Variants in KNDC1 observed in about 807,000 individuals in gnomAD.
KNDC1 encodes the protein kinase non-catalytic C-lobe domain containing 1, also known as kinase non-catalytic C-lobe domain-containing protein 1.
Under a neutral mutation model 172.8 loss-of-function variants are expected in KNDC1, and 106 were observed. The ratio of observed to expected loss-of-function variants is 0.61; its 90% CI spans 0.52 to 0.72. The LOEUF (loss-of-function observed/expected upper bound fraction) is 0.72. Ranked by LOEUF, KNDC1 falls within the 30% of genes least tolerant of loss-of-function variation. The pLI is 0.00. For missense variants in KNDC1, 2,325 were observed against 2,394.5 expected (o/e 0.97, Z 0.61); for synonymous variants, 1,083 against 1,062.2 (o/e 1.02, Z -0.38).
intron 12 of KNDC1, 137 bp downstream of exon 12, chr10:133,197,905 G>A: frequency 2.8e-6 from 2 of 724,908 alleles, no homozygotes; most frequent in Non-Finnish European, 4.8e-6. Context: ...GGCCAACGTG[G>A]CCCATGCAGC....
At chr10:133,223,341 G>A (rs553940377) in intron 29 of KNDC1, among the ~76,000 whole-genome samples, 2 of 50,724 alleles carry the variant, frequency 3.9e-5, no homozygotes, top group African/African-American at 1.4e-4. Context: ...GTGTGTGAGA[G>A]CCCATCCAGG....
intron 1 of KNDC1, 76 bp downstream of exon 1, chr10:133,160,645 G>A: frequency 2.9e-6 from 3 of 1,045,752 alleles, no homozygotes; most frequent in Non-Finnish European, 4.1e-6. Context: ...GGAGGACCCG[G>A]GAGGGGCTGT....
At chr10:133,168,488 G>A (rs542550370) in intron 3 of KNDC1, among the ~76,000 whole-genome samples, 176 bp downstream of exon 3, 59 of 152,184 alleles carry the variant, frequency 3.9e-4, no homozygotes, top group Non-Finnish European at 7.5e-4. Context: ...GGGCACACCC[G>A]GCTTCGTCCC....
intron 9 of KNDC1, among the ~76,000 whole-genome samples, chr10:133,194,523 C>A (rs2135989360): frequency 6.6e-6 from 1 of 152,314 alleles, no homozygotes; most frequent in East Asian, 1.9e-4. Context: ...GTACAATTAT[C>A]ACAAAATAAA....
intron 29 of KNDC1, among the ~76,000 whole-genome samples, chr10:133,221,999 G>A (rs75540260): frequency 0.074 from 5,227 of 70,356 alleles, 1,071 homozygotes; most frequent in African/African-American, 0.17. Flanking sequence ...AACCCTAGGT[G>A]GGCCGGGCGC....
chr10:133,192,118 A>T (rs78644839), intron 9 of KNDC1, among the ~76,000 whole-genome samples: 3,343 of 152,358 alleles, frequency 0.022, 45 homozygotes, highest in Middle Eastern at 0.034. Context: ...TTATCAAACT[A>T]CCAATGTCAT....
At chr10:133,220,748 C>T in intron 29 of KNDC1, among the ~76,000 whole-genome samples, 1 of 109,140 alleles carries the variant, frequency 9.2e-6, no homozygotes, top group Non-Finnish European at 2.0e-5. Context: ...CGGCCGCGCG[C>T]CCAGGTGAGG....
At chr10:133,217,885 A>C (rs1030446598) in intron 26 of KNDC1, among the ~76,000 whole-genome samples, 1 of 148,292 alleles carries the variant, frequency 6.7e-6, no homozygotes, top group African/African-American at 2.5e-5. Flanking sequence ...GACCAGCCTG[A>C]CCAACATGGG....
chr10:133,223,226 G>A (rs187686495), intron 29 of KNDC1, among the ~76,000 whole-genome samples: 393 of 12,926 alleles, frequency 0.03, 73 homozygotes, highest in African/African-American at 0.086. Context: ...TGCTCTTCCC[G>A]GTGTGTGTGT....
chr10:133,167,773 G>T (rs955754284), intron 2 of KNDC1, among the ~76,000 whole-genome samples, 194 bp downstream of exon 2: 1 of 152,194 alleles, frequency 6.6e-6, no homozygotes, highest in Non-Finnish European at 1.5e-5. Context: ...GGTGCCTGCT[G>T]TGCCACGGCA....
At chr10:133,187,040 G>A (rs181435545) in intron 6 of KNDC1, among the ~76,000 whole-genome samples, 21 of 152,344 alleles carry the variant, frequency 1.4e-4, no homozygotes, top group Non-Finnish European at 1.3e-4. Flanking sequence ...CAGGGGCTCC[G>A]TGTCCCCAGT....
chr10:133,216,738 T>A (rs1196378453), intron 26 of KNDC1, among the ~76,000 whole-genome samples: 2 of 152,158 alleles, frequency 1.3e-5, no homozygotes, highest in Non-Finnish European at 2.9e-5. Flanking sequence ...TTTAGATTTG[T>A]TTAAAAATAT....
intron 5 of KNDC1, among the ~76,000 whole-genome samples, 171 bp downstream of exon 5, chr10:133,184,160 C>CCCA (rs1853813278): frequency 6.7e-6 from 1 of 148,610 alleles, no homozygotes; most frequent in African/African-American, 2.5e-5. Flanking sequence ...TGCACACACA[C>CCCA]TGCACACACA....
At position 133,183,288 on chromosome 10, in the gene KNDC1, G is replaced by T. The variant is rs976026831; in HGVS notation, c.361-56G>T. The stretch of plus-strand genomic sequence containing the variant: ...CCTGGCCCGGAGAAGTGCTGGCCGC[G>T]GTCGGGGTGGCGCACACGCAGAGAC... On this transcript the variant is annotated intron_variant, in intron 3 of 29. Coordinates refer to ENST00000304613, the MANE Select transcript of KNDC1 (RefSeq NM_152643.8). The T allele has an allele frequency of 4.0e-6, 6 of 1,503,116 alleles. No homozygotes were observed. In the African/African-American group the frequency reaches 5.6e-5, roughly 14 times the overall value. The allele number at this position is 1,503,116 out of a possible 1,614,324, so 93.1% of individuals were successfully genotyped here. A position where few individuals can be genotyped will look rare whatever the true frequency, so the allele number is the denominator to read the frequency against.
intron 20 of KNDC1, among the ~76,000 whole-genome samples, chr10:133,208,666 G>C (rs925808336): frequency 6.6e-6 from 1 of 152,326 alleles, no homozygotes; most frequent in African/African-American, 2.4e-5. Context: ...GCTGACCCTC[G>C]GACCTAGTTC....
At chr10:133,171,259 A>G (rs919199313) in intron 3 of KNDC1, among the ~76,000 whole-genome samples, 1 of 152,108 alleles carries the variant, frequency 6.6e-6, no homozygotes, top group South Asian at 2.1e-4. Flanking sequence ...TCTAAAATTC[A>G]TTGTCCTCTT....
chr10:133,181,861 C>G (rs4993017), intron 3 of KNDC1, among the ~76,000 whole-genome samples: 130 of 151,378 alleles, frequency 8.6e-4, no homozygotes, highest in Non-Finnish European at 1.1e-3. Context: ...CACACACACA[C>G]CAGACTGTGG....
At chr10:133,181,508 G>A (rs1853715103) in intron 3 of KNDC1, among the ~76,000 whole-genome samples, 1 of 152,240 alleles carries the variant, frequency 6.6e-6, no homozygotes, top group Admixed American at 6.5e-5. Flanking sequence ...GTGCACAGCA[G>A]GGAGTCTGTG....
chr10:133,188,853 C>T (rs1057491915), intron 7 of KNDC1, among the ~76,000 whole-genome samples, 200 bp downstream of exon 7: 1 of 151,874 alleles, frequency 6.6e-6, no homozygotes, highest in African/African-American at 2.4e-5. Flanking sequence ...ACAGTGTCTC[C>T]GGTGAACGGA....
Sources: allele counts gnomAD v4.1 joint callset (sites outside exome capture counted in the v4.1 genomes callset), GRCh38; gene constraint gnomAD v4.1.1; transcripts MANE v1.5; gene names NCBI Gene and HGNC (gene_info 2026-07-23, HGNC 2026-07-21).